Variants in COPA observed in about 807,000 individuals in gnomAD.
COPA encodes coat protein complex I subunit alpha, also known as coatomer subunit alpha.
A neutral mutation model predicts 158.7 loss-of-function variants in COPA; 10 were observed. The observed-to-expected ratio is 0.06, with a 90% CI of 0.04 to 0.11. The LOEUF is 0.11. COPA is among the 10% of genes least tolerant of loss of function. COPA has a pLI of 1.00. For missense variants in COPA, 1,065 were observed against 1,536.7 expected, an observed-to-expected ratio of 0.69 and a Z score of 5.13; for synonymous variants, 462 against 542.8, an observed-to-expected ratio of 0.85 and a Z score of 2.07.
chr1:160,309,945 G>A (rs1161799563), intron 12 of COPA, among the ~76,000 whole-genome samples: 1 of 152,082 alleles, frequency 6.6e-6, no homozygotes, highest in African/African-American at 2.4e-5. Flanking sequence ...TATTTCTAGT[G>A]ATCTGGGTCA....
At chr1:160,339,718 C>A in intron 3 of COPA, 191 bp downstream of exon 3, 1 of 504,928 alleles carries the variant, frequency 2.0e-6, no homozygotes. Context: ...TTTGAATTCC[C>A]TAAAAAGAAA....
At chr1:160,324,322 G>A (rs1237990596) in intron 7 of COPA, among the ~76,000 whole-genome samples, 1 of 124,644 alleles carries the variant, frequency 8.0e-6, no homozygotes, top group Non-Finnish European at 1.6e-5. Context: ...ATGAGGTCTT[G>A]CTGTGTCATC....
chr1:160,291,855 G>A lies in COPA; in HGVS notation c.3222C>T (p.Pro1074=). The A allele has an allele frequency of 6.2e-7, 1 of 1,614,056 alleles. No individual in the cohort carries two copies. The highest frequency in any genetic ancestry group is 8.5e-7 in the Non-Finnish European group (1 of 1,180,008). Residue 1074 remains proline (P), a synonymous_variant, in exon 30 of 33, where the codon CCC becomes CCT. Coordinates refer to ENST00000241704, the MANE Select transcript of COPA (RefSeq NM_004371.4). ...LSVETERKKL[P]KETLEQQKRI... is the part of the protein sequence containing the mutation. ...GCTTCTGCTGTTCTAGAGTCTCTTT[G>A]GGCAGCTTCTTCCTTTCTGTCTCCA...
rs936551281 is a variant in COPA at position 160,299,963 on chromosome 1, G to A, written c.1668-699C>T. ...ATAAAATTGATAAGCCTCTCATGAG[G>A]GTAATTCAGAGAAAAGAAAACAATA... is the stretch of plus-strand genomic sequence containing the variant. On this transcript the variant is annotated intron_variant, in intron 17 of 32. Transcript: ENST00000241704. Among the ~76,000 whole-genome samples the A allele has an allele frequency of 2.0e-5, 3 of 152,160 alleles. No individual in the cohort carries two copies. In the East Asian group the frequency reaches 5.8e-4, roughly 29 times the overall value.
At chr1:160,317,412 G>A in intron 8 of COPA, 1 of 1,607,778 alleles carries the variant, frequency 6.2e-7, no homozygotes, top group Non-Finnish European at 8.5e-7. Context: ...TGTCTGACCA[G>A]GAGGCAAAAC....
chr1:160,298,591 CT>C (rs561252801), intron 19 of COPA, among the ~76,000 whole-genome samples: 5 of 152,276 alleles, frequency 3.3e-5, no homozygotes, highest in Admixed American at 3.3e-4. Flanking sequence ...TGCCATCTTG[CT>C]TTTATCCTAG....
intron 2 of COPA, 37 bp downstream of exon 2, chr1:160,340,144 C>T (rs1185713059): frequency 3.9e-6 from 6 of 1,522,682 alleles, no homozygotes; most frequent in Middle Eastern, 1.7e-4. Flanking sequence ...ATTATAAATA[C>T]TTATACTCCT....
At chr1:160,338,470 A>C (rs1369199246) in intron 3 of COPA, among the ~76,000 whole-genome samples, 3 of 152,210 alleles carry the variant, frequency 2.0e-5, no homozygotes, top group Non-Finnish European at 4.4e-5. Context: ...TTATGAATTA[A>C]ATTTCACTGG....
chr1:160,312,302 C>A (rs1452401746), intron 10 of COPA, among the ~76,000 whole-genome samples: 3 of 152,304 alleles, frequency 2.0e-5, no homozygotes, highest in South Asian at 4.1e-4. Context: ...TACTTATCAT[C>A]CTGCACTGTA....
intron 8 of COPA, among the ~76,000 whole-genome samples, chr1:160,314,326 G>C (rs1323618462): frequency 6.6e-6 from 1 of 151,946 alleles, no homozygotes; most frequent in African/African-American, 2.4e-5. Context: ...CCCTCTTATT[G>C]ATTATAAAAC....
In COPA at chr1:160,294,507, C is replaced by G. The variant is rs200807488; in HGVS notation, c.2653G>C (p.Asp885His). The change falls in exon 25 of 33, where the codon GAT becomes CAT. Residue 885 changes from aspartate to histidine, a missense_variant. Asp to His is a moderately conservative substitution (Grantham distance 81, BLOSUM62 -1). Transcript: ENST00000241704. The part of the protein sequence containing the change: ...EEGGGWDVEE[D>H]LELPPELDIS... ...ACCAGCTCAGGAGGGAGCTCCAGAT[C>G]TTCTTCTACATCCCAGCCACCTCCT... is the stretch of plus-strand genomic sequence containing the variant. The G allele has an allele frequency of 1.2e-6, 2 of 1,614,102 alleles. No individual in the cohort carries two copies. Among genetic ancestry groups the G allele is most frequent in the East Asian group, 4.5e-5 (2 of 44,884 alleles).
chr1:160,342,417 C>G (rs1418870691), intron 1 of COPA, among the ~76,000 whole-genome samples: 1 of 152,048 alleles, frequency 6.6e-6, no homozygotes, highest in African/African-American at 2.4e-5. Flanking sequence ...CCCTCCACCC[C>G]CAACGACCCA....
chr1:160,324,091 G>A (rs947482625), intron 7 of COPA, among the ~76,000 whole-genome samples: 4 of 152,048 alleles, frequency 2.6e-5, no homozygotes, highest in African/African-American at 9.7e-5. Flanking sequence ...TTGAACTCCC[G>A]GCCTCATGAT....
intron 13 of COPA, among the ~76,000 whole-genome samples, chr1:160,307,723 TGGGCGGTATTTA>T (rs1658836008): frequency 6.6e-6 from 1 of 152,230 alleles, no homozygotes; most frequent in Non-Finnish European, 1.5e-5. Context: ...AGCTTGGTGC[TGGGCGGTATTTA>T]GAACCAAGTT....
intron 8 of COPA, chr1:160,317,697 A>C: frequency 6.9e-7 from 1 of 1,454,266 alleles, no homozygotes; most frequent in South Asian, 1.1e-5. Context: ...GGGGTCATTC[A>C]ACAGTTTAGA....
rs183535653 is a variant in COPA at position 160,319,272 on chromosome 1, T to C, written c.706+4159A>G. On this transcript the variant is annotated intron_variant, in intron 8 of 32. Coordinates refer to ENST00000241704, the MANE Select transcript of COPA (RefSeq NM_004371.4). ...ATAAAACAGACTACCAAACCTAAGA[T>C]TGTAAAAAGAGACAAAGAAGGTCAC... Among the ~76,000 whole-genome samples the C allele has an allele frequency of 3.4e-3, 515 of 151,772 alleles. 4 individuals carry two copies. The highest frequency in any genetic ancestry group is 0.012 in the African/African-American group (482 of 41,366).
At chr1:160,318,447 C>A (rs1480851958) in intron 8 of COPA, among the ~76,000 whole-genome samples, 4 of 85,074 alleles carry the variant, frequency 4.7e-5, no homozygotes, top group Admixed American at 1.8e-4. Context: ...GTACCAGCTT[C>A]ATTAAAATAA....
At chr1:160,327,477 G>C (rs549396500) in intron 6 of COPA, among the ~76,000 whole-genome samples, 1 of 150,902 alleles carries the variant, frequency 6.6e-6, no homozygotes, top group Non-Finnish European at 1.5e-5. Flanking sequence ...GCGGGGCTGG[G>C]GGGGGCGCAG....
chr1:160,317,240 C>A (rs1659178424), intron 8 of COPA, among the ~76,000 whole-genome samples: 1 of 152,186 alleles, frequency 6.6e-6, no homozygotes, highest in South Asian at 2.1e-4. Context: ...AAAAGTAGTT[C>A]TTCGATCTGA....
Sources: gnomAD v4.1 joint callset for allele counts (sites outside exome capture counted in the v4.1 genomes callset) on GRCh38, gnomAD v4.1.1 for gene constraint, MANE v1.5 for transcripts, NCBI Gene and HGNC (gene_info 2026-07-23, HGNC 2026-07-21) for gene names.